The following NBPF15 variants were observed in gnomAD, a reference collection of about 807,000 sequenced individuals.
NBPF15 encodes the protein NBPF member 15.
NBPF15 carries 74 observed loss-of-function variants against 62.2 expected under a neutral mutation model. The observed-to-expected ratio is 1.19, with a 90% CI of 0.99 to 1.44. The LOEUF (loss-of-function observed/expected upper bound fraction) is 1.44. NBPF15 is among the 40% of genes most tolerant of loss of function. The pLI, the probability that NBPF15 is intolerant of heterozygous loss-of-function variation, is 0.00. For missense variants in NBPF15, 790 were observed against 550.0 expected (o/e 1.44, Z -4.36); for synonymous variants, 244 against 209.7 (o/e 1.16, Z -1.41).
intron 4 of NBPF15, among the ~76,000 whole-genome samples, chr1:144,453,708 T>G (rs1473698219): frequency 1.3e-5 from 1 of 79,442 alleles, no homozygotes; most frequent in African/African-American, 4.3e-5. Context: ...AGATGGCAAA[T>G]AAGCATATGA....
intron 19 of NBPF15, among the ~76,000 whole-genome samples, 167 bp from the exon 20 acceptor site, chr1:144,425,029 A>G (rs1553539006): frequency 1.7e-5 from 2 of 115,558 alleles, no homozygotes; most frequent in African/African-American, 7.5e-5. Flanking sequence ...ACAGGGCCAA[A>G]TGGAAAAGAA....
intron 2 of NBPF15, among the ~76,000 whole-genome samples, chr1:144,459,934 C>G (rs1323316499): frequency 3.3e-5 from 5 of 150,606 alleles, no homozygotes; most frequent in African/African-American, 1.2e-4. Context: ...CCTCTAAAAC[C>G]AACAATGCCA....
chr1:144,432,471 A>G (rs1471343993), intron 13 of NBPF15, among the ~76,000 whole-genome samples: 22 of 152,156 alleles, frequency 1.4e-4, no homozygotes, highest in Non-Finnish European at 2.2e-4. Context: ...TTAACCTTAA[A>G]TGTAAATGGG....
At chr1:144,446,441 G>A (rs1687582359) in intron 6 of NBPF15, among the ~76,000 whole-genome samples, 1 of 152,302 alleles carries the variant, frequency 6.6e-6, no homozygotes, top group South Asian at 2.1e-4. Context: ...CATTGATTTA[G>A]AGCTCTAGTA....
rs1168569393 is a variant in NBPF15 at position 144,437,222 on chromosome 1, G to T, written c.279-113C>A. The T allele has an allele frequency of 4.8e-5, 50 of 1,046,100 alleles. 1 individual carries two copies. Among genetic ancestry groups the T allele is most frequent in the Non-Finnish European group, 6.8e-5 (45 of 664,920 alleles). The allele number at this position is 1,046,100 out of a possible 1,614,324, so 64.8% of individuals were successfully genotyped here. A position where few individuals can be genotyped will look rare whatever the true frequency, so the allele number is the denominator to read the frequency against. ...CCTCAAGGAGACCTCGAAGCAGAAG[G>T]TCAGCACATGTTTAAAGGAATGTCT... On this transcript the variant is annotated intron_variant, in intron 9 of 21. Coordinates refer to ENST00000581897, the MANE Select transcript of NBPF15 (RefSeq NM_001385408.1).
chr1:144,460,666 G>T (rs1285732116), intron 2 of NBPF15, among the ~76,000 whole-genome samples, 177 bp downstream of exon 2: 1 of 148,270 alleles, frequency 6.7e-6, no homozygotes, highest in East Asian at 2.0e-4. Flanking sequence ...ACTTCTTTTC[G>T]AAAGCAGCTC....
chr1:144,440,916 C>T (rs1682463606), intron 6 of NBPF15, among the ~76,000 whole-genome samples: 1 of 151,760 alleles, frequency 6.6e-6, no homozygotes, highest in Non-Finnish European at 1.5e-5. Flanking sequence ...TGATCTGCCG[C>T]CTCGGCCTCC....
intron 16 of NBPF15, 147 bp downstream of exon 16, chr1:144,427,671 C>T: frequency 1.6e-6 from 1 of 636,142 alleles, no homozygotes. Context: ...CCAAGTGGAA[C>T]TAGAGTTTCA....
Position 144,423,151 on chromosome 1 carries a change from G to A in NBPF15, c.1875C>T (p.Phe625=), listed in dbSNP as rs1322972378. The A allele has an allele frequency of 1.2e-6, 2 of 1,611,456 alleles. No homozygotes were observed. Among genetic ancestry groups the A allele is most frequent in the African/African-American group, 2.7e-5 (2 of 74,740 alleles). ...AGTAAAACACACTTCTGTAGTGCTGGAATGAGTCAGGTTGTTCAAAGTACA... is the reference window on the plus strand; with the variant it reads ...AGTAAAACACACTTCTGTAGTGCTGAAATGAGTCAGGTTGTTCAAAGTACA... ...PSMYFEQPDS[F]QHYRSVFYSF... is the part of the protein sequence containing the mutation. Residue 625 remains phenylalanine (F), a synonymous_variant, in exon 22 of 22, where the codon TTC becomes TTT. Transcript: ENST00000581897.
rs1456662885 is a variant in NBPF15, at chr1:144,456,280, A to G, written c.-432+257T>C. Among the ~76,000 whole-genome samples the G allele has an allele frequency of 2.0e-5, 3 of 151,904 alleles. 1 individual carries two copies. The highest frequency in any genetic ancestry group is 6.6e-5 in the Admixed American group (1 of 15,252). ...GGAGTGGGATGCAGATCTAGCTACT[A>G]AGGAAAAGTCCTGGAGAGAACACTC... On this transcript the variant is annotated intron_variant, in intron 4 of 21. Transcript: ENST00000581897.
In NBPF15 at chr1:144,461,669, C is replaced by G. The variant is rs1653228218; in HGVS notation, c.-1226G>C. On this transcript the variant is annotated 5_prime_UTR_variant, in exon 1 of 22. Transcript: ENST00000581897. ...TCCCGCCCGGCGCGTCAGGAGAGCC[C>G]AAGGCGCAGGCGCAGCGGGGCCTTA... 6.6e-6 allele frequency: 1 copy of G among 152,228 alleles called. No homozygotes were observed. The highest frequency in any genetic ancestry group is 2.4e-5 in the African/African-American group (1 of 41,398). The allele number at this position is 152,228 out of a possible 1,614,324, so 9.4% of individuals were successfully genotyped here.
chr1:144,446,174 C>A (rs1300256021), intron 6 of NBPF15, among the ~76,000 whole-genome samples: 4 of 151,778 alleles, frequency 2.6e-5, no homozygotes, highest in Non-Finnish European at 5.9e-5. Context: ...TTTATAAGCA[C>A]AACATGTATT....
At chr1:144,429,129 T>C (rs1323766761) in intron 14 of NBPF15, among the ~76,000 whole-genome samples, 1 of 151,768 alleles carries the variant, frequency 6.6e-6, no homozygotes, top group Non-Finnish European at 1.5e-5. Flanking sequence ...TTATGGCTTT[T>C]GTGGGTGAAA....
intron 20 of NBPF15, among the ~76,000 whole-genome samples, chr1:144,424,382 A>G (rs1553538859): frequency 1.2e-4 from 18 of 150,014 alleles, no homozygotes; most frequent in African/African-American, 4.5e-4. Context: ...GAAAAAGGAA[A>G]TCTACAAACC....
chr1:144,457,698 C>G (rs1275261765), intron 3 of NBPF15, among the ~76,000 whole-genome samples: 16 of 151,932 alleles, frequency 1.1e-4, no homozygotes, highest in African/African-American at 3.1e-4. Context: ...TGAACACATA[C>G]AAAATAATCA....
chr1:144,451,838 C>A (rs1691363632), intron 4 of NBPF15, among the ~76,000 whole-genome samples: 1 of 151,218 alleles, frequency 6.6e-6, no homozygotes, highest in Admixed American at 6.6e-5. Context: ...GACACAGTAA[C>A]AATCTGATAT....
chr1:144,450,342 T>C lies in NBPF15; in HGVS notation c.-333+430A>G, dbSNP rs1413312388. 6.0e-5 allele frequency among the ~76,000 whole-genome samples: 9 copies of C among 150,270 alleles called. 1 individual carries two copies. Among genetic ancestry groups the C allele is most frequent in the Non-Finnish European group, 1.3e-4 (9 of 67,586 alleles). ...TTGAGAAGGACTCCATGAGTTGTTA[T>C]TGGTTGAAAGATGAAACAGACAGGT... On this transcript the variant is annotated intron_variant, in intron 5 of 21. Transcript: ENST00000581897.
chr1:144,450,467 C>T (rs1278212540), intron 5 of NBPF15, among the ~76,000 whole-genome samples: 19 of 152,010 alleles, frequency 1.2e-4, no homozygotes, highest in Non-Finnish European at 2.2e-4. Context: ...AATAGGAACT[C>T]TTTCATTATC....
intron 2 of NBPF15, among the ~76,000 whole-genome samples, chr1:144,460,102 C>T (rs1356052221): frequency 1.9e-5 from 2 of 102,990 alleles, no homozygotes; most frequent in Non-Finnish European, 3.6e-5. Flanking sequence ...GAGTGCACTG[C>T]CATGATCACG....
Sources: allele counts gnomAD v4.1 joint callset (sites outside exome capture counted in the v4.1 genomes callset), GRCh38; gene constraint gnomAD v4.1.1; transcripts MANE v1.5; gene names NCBI Gene and HGNC (gene_info 2026-07-23, HGNC 2026-07-21).